CFAP251: variants seen among roughly 807,000 people sequenced by gnomAD.
CFAP251 encodes the protein cilia and flagella associated protein 251.
Under a neutral mutation model 126.7 loss-of-function variants are expected in CFAP251, and 93 were observed. The observed-to-expected ratio is 0.73, with a 90% CI of 0.62 to 0.87. CFAP251 has a LOEUF of 0.87. Among genes scored for constraint, CFAP251 ranks in the 40% least tolerant of loss-of-function variants. The pLI is 0.00. For synonymous variants in CFAP251, 503 were observed against 506.9 expected, an observed-to-expected ratio of 0.99 and a Z score of 0.10; for missense variants, 1,287 against 1,389.2, an observed-to-expected ratio of 0.93 and a Z score of 1.17.
At chr12:121,929,734 A>G (rs979521805) in intron 3 of CFAP251, among the ~76,000 whole-genome samples, 5 of 151,370 alleles carry the variant, frequency 3.3e-5, no homozygotes, top group South Asian at 2.1e-4. Context: ...CTGGAGTGCA[A>G]TGGCGTGATC....
At position 121,966,966 on chromosome 12, in the gene CFAP251, T is replaced by G; in HGVS notation, c.2504T>G (p.Leu835Arg). 1 of 1,614,202 alleles carries G rather than the reference T, an allele frequency of 6.2e-7. No homozygotes were observed. The highest frequency in any genetic ancestry group is 8.5e-7 in the Non-Finnish European group (1 of 1,180,014). The change falls in exon 16 of 22, where the codon CTG (leucine) becomes CGG (arginine). Residue 835 changes from leucine to arginine, a missense_variant. By Grantham distance (102) the Leu-to-Arg change is moderately radical. Transcript: ENST00000288912. ...CTTTTTGCCTTCAGAAAGACGCTTC[T>G]GGGGCCAGCTTATGGTTCCCCTATT... The part of the protein sequence containing the change: ...ATTKMCRKTL[L>R]GPAYGSPIEQ...
At chr12:121,960,032 C>A (rs1020170090) in intron 13 of CFAP251, among the ~76,000 whole-genome samples, 4 of 151,986 alleles carry the variant, frequency 2.6e-5, no homozygotes, top group African/African-American at 9.7e-5. Flanking sequence ...ACTTAGGAGG[C>A]TGAGGCTGGA....
Position 121,931,850 on chromosome 12 carries a change from C to T in CFAP251, c.852C>T (p.Ile284=). The T allele has an allele frequency of 6.2e-7, 1 of 1,600,902 alleles. No homozygotes were observed. The highest frequency in any genetic ancestry group is 8.5e-7 in the Non-Finnish European group (1 of 1,174,508). Residue 284 remains isoleucine, a synonymous_variant, in exon 4 of 22, where the codon ATC becomes ATT. Coordinates refer to ENST00000288912, the MANE Select transcript of CFAP251 (RefSeq NM_144668.6). The part of the protein sequence containing the change: ...LLYVCAHTAI[I]YNVFRNNQYH... Reference sequence around the variant, plus strand: ...ATGTTTGTGCTCACACTGCGATCATCTACAACGTGTTCAGGAACAATCAAT... The same window carrying T: ...ATGTTTGTGCTCACACTGCGATCATTTACAACGTGTTCAGGAACAATCAAT...
chr12:121,994,331 T>G (rs1198572870), intron 19 of CFAP251, among the ~76,000 whole-genome samples: 3 of 40,412 alleles, frequency 7.4e-5, no homozygotes, highest in African/African-American at 2.1e-4. Context: ...GGGAGGGAGG[T>G]GGGGGGGGTC....
chr12:121,954,658 A>AAAAAAAC (rs1555218018), intron 10 of CFAP251, among the ~76,000 whole-genome samples: 1 of 139,650 alleles, frequency 7.2e-6, no homozygotes, highest in Non-Finnish European at 1.5e-5. Context: ...AAAAAAAAAA[A>AAAAAAAC]AAAAAAAAAA....
intron 9 of CFAP251, chr12:121,953,127 C>CCT (rs1881591824): frequency 6.6e-6 from 1 of 152,194 alleles, no homozygotes. Context: ...ACTCATCTAA[C>CCT]CTACATATTT....
intron 19 of CFAP251, chr12:121,999,495 C>T (rs947979414): frequency 2.8e-5 from 11 of 399,950 alleles, no homozygotes; most frequent in Non-Finnish European, 4.7e-5. Flanking sequence ...CATACTGTGC[C>T]AGGCTAATTT....
chr12:121,934,411 A>G, intron 5 of CFAP251, 55 bp downstream of exon 5: 1 of 1,351,736 alleles, frequency 7.4e-7, no homozygotes, highest in Non-Finnish European at 1.0e-6. Flanking sequence ...AGTATCTGCC[A>G]CTGTGTGACA....
chr12:121,990,801 T>C (rs1239630509), intron 19 of CFAP251, among the ~76,000 whole-genome samples: 1 of 152,220 alleles, frequency 6.6e-6, no homozygotes, highest in African/African-American at 2.4e-5. Flanking sequence ...AGTCTAAGCA[T>C]GGACAGTTTT....
intron 11 of CFAP251, among the ~76,000 whole-genome samples, chr12:121,957,499 TCGA>T (rs1183361478): frequency 6.6e-6 from 1 of 151,792 alleles, no homozygotes; most frequent in East Asian, 1.9e-4. Flanking sequence ...GGTCAGGAGA[TCGA>T]GACCATCCTG....
In CFAP251 at chr12:121,920,586, C is replaced by T. The variant is rs1437482156; in HGVS notation, c.-20-700C>T. Among the ~76,000 whole-genome samples, 7 of 151,872 alleles carry T rather than the reference C, an allele frequency of 4.6e-5. 1 individual carries two copies. The East Asian group carries it at 5.8e-4, about 13-fold the overall frequency. ...TAATTTTTTGTATTTTTAGTAGAGACGGGGTTTCACCGTGTTAGCCAGGAT... is the reference window on the plus strand; with the variant it reads ...TAATTTTTTGTATTTTTAGTAGAGATGGGGTTTCACCGTGTTAGCCAGGAT... On this transcript the variant is annotated intron_variant, in intron 1 of 21. Transcript: ENST00000288912.
chr12:121,997,658 T>C (rs2135818032), intron 19 of CFAP251: 1 of 152,058 alleles, frequency 6.6e-6, no homozygotes, highest in Non-Finnish European at 1.5e-5. Context: ...CCTAAGTACT[T>C]TATTCTTCTT....
rs1296756550 is a variant in CFAP251, at chr12:121,931,672, C to T, written c.748-74C>T. 8.7e-5 allele frequency: 119 copies of T among 1,363,892 alleles called. No homozygotes were observed. The South Asian group carries it at 1.9e-3, about 22-fold the overall frequency. 84.5% of individuals were successfully genotyped at this position (1,363,892 alleles called of 1,614,324 possible). On this transcript the variant is annotated intron_variant, in intron 3 of 21. Coordinates refer to ENST00000288912, the MANE Select transcript of CFAP251 (RefSeq NM_144668.6). ...CTGTTGATGTGAAATCCTTCCCCTCCGGCGAGTTCCTGGAGCCCCAGCTCT... is the reference window on the plus strand; with the variant it reads ...CTGTTGATGTGAAATCCTTCCCCTCTGGCGAGTTCCTGGAGCCCCAGCTCT...
intron 19 of CFAP251, chr12:121,998,879 G>T (rs1367861037): frequency 9.3e-6 from 1 of 107,304 alleles, no homozygotes; most frequent in Non-Finnish European, 1.7e-5. Flanking sequence ...CAAAGAGTGA[G>T]ACCCTGTATC....
In CFAP251 at chr12:121,983,740, T is replaced by TAA. The variant is rs74826523; in HGVS notation, c.3006+8067_3006+8068dup. On this transcript the variant is annotated intron_variant, in intron 19 of 21. Coordinates refer to ENST00000288912, the MANE Select transcript of CFAP251 (RefSeq NM_144668.6). The stretch of plus-strand genomic sequence containing the variant: ...GGATTACAGGGCTTTTTATCTACTT[T>TAA]AAAAAAAAAAAAACGTTTCCTCTTT... 1.8e-3 allele frequency among the ~76,000 whole-genome samples: 260 copies of TAA among 141,396 alleles called. 1 individual carries two copies. Among genetic ancestry groups the TAA allele is most frequent in the African/African-American group, 6.1e-3 (238 of 39,228 alleles). 92.8% of individuals were successfully genotyped at this position (141,396 alleles called of 152,430 possible).
chr12:121,981,825 T>C (rs1170119601), intron 19 of CFAP251, among the ~76,000 whole-genome samples: 1 of 152,224 alleles, frequency 6.6e-6, no homozygotes, highest in Non-Finnish European at 1.5e-5. Flanking sequence ...ATCCTGACTG[T>C]GACCACGTGC....
At chr12:121,939,539 T>A (rs1029894197) in intron 5 of CFAP251, among the ~76,000 whole-genome samples, 3 of 151,490 alleles carry the variant, frequency 2.0e-5, no homozygotes, top group African/African-American at 7.4e-5. Flanking sequence ...AGCCACTGTT[T>A]TTTCCTTATT....
chr12:121,993,722 T>C (rs2135814433), intron 19 of CFAP251, among the ~76,000 whole-genome samples: 1 of 148,886 alleles, frequency 6.7e-6, no homozygotes, highest in East Asian at 2.1e-4. Context: ...GAGGAGACCC[T>C]CTGCCTGGCA....
intron 13 of CFAP251, 69 bp from the exon 14 acceptor site, chr12:121,960,516 C>T: frequency 1.9e-6 from 3 of 1,565,450 alleles, no homozygotes; most frequent in Non-Finnish European, 2.6e-6. Flanking sequence ...CCGCGCCTGG[C>T]CCATAATGAT....
Sources: allele counts gnomAD v4.1 joint callset (sites outside exome capture counted in the v4.1 genomes callset), GRCh38; gene constraint gnomAD v4.1.1; transcripts MANE v1.5; gene names NCBI Gene and HGNC (gene_info 2026-07-23, HGNC 2026-07-21).